The following SIDT2 variants were observed in gnomAD, a reference collection of about 807,000 sequenced individuals.
SIDT2 encodes SID1 transmembrane family member 2.
A neutral mutation model predicts 114.4 loss-of-function variants in SIDT2; 68 were observed. The observed-to-expected ratio is 0.59, with a 90% CI of 0.49 to 0.73. The LOEUF (loss-of-function observed/expected upper bound fraction) is 0.73, where lower values mean the gene tolerates loss of function less well. Ranked by LOEUF, SIDT2 falls within the 30% of genes least tolerant of loss-of-function variation. The pLI is 0.00. For missense variants in SIDT2, 918 were observed against 1,097.1 expected, an observed-to-expected ratio of 0.84 and a Z score of 2.31; for synonymous variants, 470 against 438.4, an observed-to-expected ratio of 1.07 and a Z score of -0.90.
chr11:117,184,121 G>C lies in SIDT2; in HGVS notation c.850G>C (p.Val284Leu). Residue 284 changes from valine to leucine, a missense_variant, in exon 8 of 26, where the codon GTG becomes CTG. Physicochemically the swap from Val to Leu is conservative, Grantham distance 32. Around this residue, in one of 4 missense-constraint regions of SIDT2, gnomAD observed 553 missense variants for 600.1 expected, o/e 0.92. Transcript: ENST00000324225. ...CCGCCAGAAAACCCTGTCAGTGCTGGTGTCTCAAGCAGTCACGTGTGAGTG... is the reference window on the plus strand; with the variant it reads ...CCGCCAGAAAACCCTGTCAGTGCTGCTGTCTCAAGCAGTCACGTGTGAGTG... ...GHRQKTLSVL[V>L]SQAVTSEAYV... is the part of the protein sequence containing the mutation. The C allele has an allele frequency of 6.2e-7, 1 of 1,614,188 alleles. No homozygotes were observed. Among genetic ancestry groups the C allele is most frequent in the South Asian group, 1.1e-5 (1 of 91,074 alleles).
intron 18 of SIDT2, 108 bp from the exon 19 acceptor site, chr11:117,191,770 T>C (rs1462500918): frequency 1.3e-6 from 2 of 1,482,398 alleles, no homozygotes; most frequent in African/African-American, 1.4e-5. Flanking sequence ...ACCATGGCCG[T>C]GGTGGGGCAC....
Position 117,188,340 on chromosome 11 carries a change from A to G in SIDT2, c.1160-368A>G. The G allele has an allele frequency of 3.0e-6, 1 of 331,494 alleles. No individual in the cohort carries two copies. Among genetic ancestry groups the G allele is most frequent in the Non-Finnish European group, 5.8e-6 (1 of 173,544 alleles). 20.5% of individuals were successfully genotyped at this position (331,494 alleles called of 1,614,324 possible). A position where few individuals can be genotyped will look rare whatever the true frequency, so the allele number is the denominator to read the frequency against. On this transcript the variant is annotated intron_variant, in intron 12 of 25. Coordinates refer to ENST00000324225, the MANE Select transcript of SIDT2 (RefSeq NM_001040455.2). This position sits in a 1 kb window ranked among gnomAD's most constrained non-coding sequence, Gnocchi z 4.0. ...AAGGCAGTGTCTTCTCAGAACCCACAGGGCTGGGCACCCTTGAATCAGCAT... is the reference window on the plus strand; with the variant it reads ...AAGGCAGTGTCTTCTCAGAACCCACGGGGCTGGGCACCCTTGAATCAGCAT...
At position 117,192,374 on chromosome 11, in the gene SIDT2, C is replaced by A; in HGVS notation, c.1981+12C>A. On this transcript the variant is annotated intron_variant, in intron 20 of 25. Coordinates refer to ENST00000324225, the MANE Select transcript of SIDT2 (RefSeq NM_001040455.2). The surrounding 1 kb of genome is among the most constrained non-coding windows in gnomAD (Gnocchi z 5.9). ...CCGGTGGAAACTGGGTAAGGGCACG[C>A]CCGGGGCAGGGCCTGGGGGAGGGGT... 1 of 1,546,510 alleles carries A rather than the reference C, an allele frequency of 6.5e-7. No individual in the cohort carries two copies. The highest frequency in any genetic ancestry group is 8.9e-7 in the Non-Finnish European group (1 of 1,119,736).
intron 8 of SIDT2, among the ~76,000 whole-genome samples, chr11:117,185,250 C>A (rs1262479238): frequency 6.6e-6 from 1 of 151,782 alleles, no homozygotes; most frequent in Non-Finnish European, 1.5e-5. Flanking sequence ...GGAGTTTCAC[C>A]GTGTTAGCCA....
chr11:117,184,111 G>A lies in SIDT2; in HGVS notation c.840G>A (p.Leu280=). ...ATCAAGGGCACCGCCAGAAAACCCT[G>A]TCAGTGCTGGTGTCTCAAGCAGTCA... ...PVDQGHRQKT[L]SVLVSQAVTS... Residue 280 remains leucine (L), a synonymous_variant, in exon 8 of 26, where the codon CTG becomes CTA. Coordinates refer to ENST00000324225, the MANE Select transcript of SIDT2 (RefSeq NM_001040455.2). The A allele has an allele frequency of 6.2e-7, 1 of 1,614,200 alleles. No individual in the cohort carries two copies.
In SIDT2 at chr11:117,188,976, T is replaced by G; in HGVS notation, c.1278+150T>G. ...AGGGCAGATGCCGGGGAAACTAACC[T>G]GACCTCCAACCCCTTCCGGCCTGAT... On this transcript the variant is annotated intron_variant, in intron 13 of 25. Coordinates refer to ENST00000324225, the MANE Select transcript of SIDT2 (RefSeq NM_001040455.2). This position sits in a 1 kb window ranked among gnomAD's most constrained non-coding sequence, Gnocchi z 4.0. The G allele has an allele frequency of 1.0e-6, 1 of 991,248 alleles. No homozygotes were observed. Among genetic ancestry groups the G allele is most frequent in the Middle Eastern group, 2.1e-4 (1 of 4,662 alleles). 61.4% of individuals were successfully genotyped at this position (991,248 alleles called of 1,614,324 possible).
At chr11:117,180,011 A>G (rs1307806513) in intron 1 of SIDT2, 1 of 152,202 alleles carries the variant, frequency 6.6e-6, no homozygotes, top group Non-Finnish European at 1.5e-5. Flanking sequence ...GAATTTGTCC[A>G]CTGTGAAAAA....
Position 117,186,223 on chromosome 11 carries a change from G to A in SIDT2, c.962G>A (p.Arg321Lys). The A allele has an allele frequency of 1.2e-6, 2 of 1,614,046 alleles. No homozygotes were observed. Among genetic ancestry groups the A allele is most frequent in the Non-Finnish European group, 1.7e-6 (2 of 1,179,950 alleles). ...TVLLACWENW[R>K]QKKKTLLVAI... ...CTCCTGGCCTGCTGGGAGAACTGGA[G>A]GTAAAGTGGAACTGCTGGGCCTCCC... Residue 321 changes from arginine (R) to lysine (K), a missense_variant and splice_region_variant, in exon 9 of 26, where the codon AGG becomes AAG. Transcript: ENST00000324225.
At position 117,182,792 on chromosome 11, in the gene SIDT2, G is replaced by A; in HGVS notation, c.688G>A (p.Ala230Thr). 1 of 1,613,894 alleles carries A rather than the reference G, an allele frequency of 6.2e-7. No homozygotes were observed. Among genetic ancestry groups the A allele is most frequent in the Non-Finnish European group, 8.5e-7 (1 of 1,179,920 alleles). ...GMYQTMTKKA[A>T]ITVQRKDFPS... ...GTACCAGACGATGACCAAGAAGGCG[G>A]CCATCACCGTACAGGTAGGAAATGC... is the stretch of plus-strand genomic sequence containing the variant. Residue 230 changes from alanine (A) to threonine (T), a missense_variant, in exon 6 of 26, where the codon GCC (alanine) becomes ACC (threonine). By Grantham distance (58) the Ala-to-Thr change is moderately conservative (BLOSUM62 0). Coordinates refer to ENST00000324225, the MANE Select transcript of SIDT2 (RefSeq NM_001040455.2).
intron 24 of SIDT2, among the ~76,000 whole-genome samples, 192 bp from the exon 25 acceptor site, chr11:117,195,610 G>A (rs562373536): frequency 6.6e-6 from 1 of 152,330 alleles, no homozygotes; most frequent in East Asian, 1.9e-4. Flanking sequence ...GTGAACTCAG[G>A]GAGAAGTTTG....
In SIDT2 at chr11:117,181,922, A is replaced by G; in HGVS notation, c.421A>G (p.Asn141Asp). ...YVDVSTLSPV[N>D]TTYQLRVSRM... ...GGATGTGTCCACCCTGTCACCAGTC[A>G]ACACCACATACCAGCTCCGGGTCAG... Residue 141 changes from asparagine (N) to aspartate (D), a missense_variant, in exon 3 of 26, where the codon AAC (asparagine) becomes GAC (aspartate). Asn to Asp is a conservative substitution (Grantham distance 23). Transcript: ENST00000324225. 6.2e-7 allele frequency: 1 copy of G among 1,614,136 alleles called. No individual in the cohort carries two copies. The highest frequency in any genetic ancestry group is 8.5e-7 in the Non-Finnish European group (1 of 1,180,024).
intron 8 of SIDT2, among the ~76,000 whole-genome samples, chr11:117,185,073 G>A (rs1263676714): frequency 2.7e-5 from 4 of 145,776 alleles, no homozygotes; most frequent in Non-Finnish European, 6.0e-5. Flanking sequence ...TTTCCGAGAT[G>A]GAGTCTTGCT....
rs149306582 is a variant in SIDT2 at position 117,183,055 on chromosome 11, A to T, written c.702+249A>T. ...CATACCTACTTCATTCATTGTAACA[A>T]TAAGAGGGCTGAGCGCGGTGGCTCA... On this transcript the variant is annotated intron_variant, in intron 6 of 25. Coordinates refer to ENST00000324225, the MANE Select transcript of SIDT2 (RefSeq NM_001040455.2). 4.6e-3 allele frequency among the ~76,000 whole-genome samples: 705 copies of T among 152,298 alleles called. 3 individuals carry two copies. Among genetic ancestry groups the T allele is most frequent in the African/African-American group, 0.015 (639 of 41,586 alleles).
chr11:117,190,580 G>A lies in SIDT2; in HGVS notation c.1618-43G>A. On this transcript the variant is annotated intron_variant, in intron 17 of 25. Coordinates refer to ENST00000324225, the MANE Select transcript of SIDT2 (RefSeq NM_001040455.2). The surrounding 1 kb of genome is among the most constrained non-coding windows in gnomAD (Gnocchi z 4.1). ...CTTTTGGGTCCCTTCTTCCCTTCCT[G>A]CCTCACTTCCTCCCTCCCTTCCCTT... 1 of 1,489,342 alleles carries A rather than the reference G, an allele frequency of 6.7e-7. No individual in the cohort carries two copies. The highest frequency in any genetic ancestry group is 9.2e-7 in the Non-Finnish European group (1 of 1,091,182). 92.3% of individuals were successfully genotyped at this position (1,489,342 alleles called of 1,614,324 possible). A position where few individuals can be genotyped will look rare whatever the true frequency, so the allele number is the denominator to read the frequency against.
At position 117,196,301 on chromosome 11, in the gene SIDT2, G is replaced by A; in HGVS notation, c.*235G>A. Reference sequence around the variant, plus strand: ...GCTCCCCTGGAACCCCCAGATGTTGGCCAAATTGCTGCTTTCTTCTCAGTG... The same window carrying A: ...GCTCCCCTGGAACCCCCAGATGTTGACCAAATTGCTGCTTTCTTCTCAGTG... On this transcript the variant is annotated 3_prime_UTR_variant, in exon 26 of 26. Transcript: ENST00000324225. This position sits in a 1 kb window ranked among gnomAD's most constrained non-coding sequence, Gnocchi z 4.9. 1 of 586,734 alleles carries A rather than the reference G, an allele frequency of 1.7e-6. No individual in the cohort carries two copies. The highest frequency in any genetic ancestry group is 3.0e-6 in the Non-Finnish European group (1 of 331,736). 36.3% of individuals were successfully genotyped at this position (586,734 alleles called of 1,614,324 possible).
chr11:117,190,037 G>C lies in SIDT2; in HGVS notation c.1493+12G>C. ...CTGGGCAATCTCAGGTGGGGGTCAT[G>C]CTGGGAGGCCCCTTGTCCAGGCCAA... On this transcript the variant is annotated intron_variant, in intron 16 of 25. Coordinates refer to ENST00000324225, the MANE Select transcript of SIDT2 (RefSeq NM_001040455.2). This position sits in a 1 kb window ranked among gnomAD's most constrained non-coding sequence, Gnocchi z 4.1. 1 of 1,614,162 alleles carries C rather than the reference G, an allele frequency of 6.2e-7. No individual in the cohort carries two copies. The highest frequency in any genetic ancestry group is 8.5e-7 in the Non-Finnish European group (1 of 1,180,016).
At position 117,186,174 on chromosome 11, in the gene SIDT2, C is replaced by G; in HGVS notation, c.913C>G (p.Leu305Val). 1 of 1,614,102 alleles carries G rather than the reference C, an allele frequency of 6.2e-7. No individual in the cohort carries two copies. Among genetic ancestry groups the G allele is most frequent in the South Asian group, 1.1e-5 (1 of 91,080 alleles). The change falls in exon 9 of 26, where the codon CTC becomes GTC. Residue 305 changes from leucine (L) to valine (V), a missense_variant. By Grantham distance (32) the Leu-to-Val change is conservative. Around this residue, in one of 4 missense-constraint regions of SIDT2, gnomAD observed 553 missense variants for 600.1 expected, o/e 0.92. Transcript: ENST00000324225. ...GATGCTCTTTTGCCTGGGTATATTT[C>G]TCTCCTTTTACCTGCTGACCGTCCT... The part of the protein sequence containing the change: ...SGMLFCLGIF[L>V]SFYLLTVLLA...
intron 24 of SIDT2, 80 bp from the exon 25 acceptor site, chr11:117,195,721 CA>C (rs2030872398): frequency 6.8e-7 from 1 of 1,465,472 alleles, no homozygotes; most frequent in African/African-American, 1.4e-5. Flanking sequence ...GAGGGGTGCC[CA>C]GGAGCAAGAT....
intron 3 of SIDT2, 37 bp from the exon 4 acceptor site, chr11:117,182,023 C>T (rs764525479): frequency 5.8e-5 from 94 of 1,613,864 alleles, no homozygotes; most frequent in Non-Finnish European, 6.2e-5. Flanking sequence ...CCCCAGGCTC[C>T]GGGGGTGACT....
Sources: gnomAD v4.1 joint callset for allele counts (sites outside exome capture counted in the v4.1 genomes callset) on GRCh38, gnomAD v4.1.1 for gene constraint, gnomAD v4.1.1 regional missense constraint, Gnocchi (gnomAD v3.1) non-coding constraint, MANE v1.5 for transcripts, NCBI Gene and HGNC (gene_info 2026-07-23, HGNC 2026-07-21) for gene names.